Variants in VTI1A observed in about 807,000 individuals in gnomAD.
VTI1A encodes the protein vesicle transport through interaction with t-SNAREs homolog 1A.
Under a neutral mutation model 34.9 loss-of-function variants are expected in VTI1A, and 22 were observed. That is an observed-to-expected ratio of 0.63 (90% CI 0.45 to 0.90). The LOEUF (loss-of-function observed/expected upper bound fraction) is 0.90. VTI1A is among the 40% of genes least tolerant of loss of function. The pLI, the probability that VTI1A is intolerant of heterozygous loss-of-function variation, is 0.00. For missense variants in VTI1A, 268 were observed against 275.6 expected (o/e 0.97, Z 0.20); for synonymous variants, 87 against 97.3 (o/e 0.89, Z 0.62).
At chr10:112,726,307 A>T (rs1013165220) in intron 7 of VTI1A, among the ~76,000 whole-genome samples, 8 of 152,210 alleles carry the variant, frequency 5.3e-5, no homozygotes, top group Non-Finnish European at 7.3e-5. Flanking sequence ...AGAGTGGGGA[A>T]CACTTCTCTA....
chr10:112,672,899 C>T (rs932546707), intron 7 of VTI1A: 6 of 152,294 alleles, frequency 3.9e-5, no homozygotes, highest in Admixed American at 3.9e-4. Context: ...AGTATATGAA[C>T]AATGCCTCAG....
At chr10:112,626,554 T>G (rs1159128871) in intron 5 of VTI1A, among the ~76,000 whole-genome samples, 1 of 151,378 alleles carries the variant, frequency 6.6e-6, no homozygotes, top group Non-Finnish European at 1.5e-5. Flanking sequence ...AAGTGCTTAG[T>G]AAAATAACTC....
the VTI1A span, among the ~76,000 whole-genome samples, chr10:112,828,387 A>T: frequency 2.0e-5 from 3 of 152,052 alleles, no homozygotes; most frequent in Non-Finnish European, 4.4e-5. Flanking sequence ...AATTCATTTT[A>T]AAAATGTTTT....
At chr10:112,673,246 C>T (rs953872692) in intron 7 of VTI1A, among the ~76,000 whole-genome samples, 1 of 148,040 alleles carries the variant, frequency 6.8e-6, no homozygotes, top group East Asian at 2.0e-4. Context: ...GCCTGGGAGG[C>T]GAAAGGTTGC....
intron 5 of VTI1A, among the ~76,000 whole-genome samples, chr10:112,628,458 T>C (rs1846004358): frequency 6.6e-6 from 1 of 152,198 alleles, no homozygotes; most frequent in Non-Finnish European, 1.5e-5. Context: ...TCATTTTATG[T>C]ATAGATAGAG....
chr10:112,659,591 A>AT (rs896512693), intron 5 of VTI1A, among the ~76,000 whole-genome samples: 2 of 152,148 alleles, frequency 1.3e-5, no homozygotes, highest in African/African-American at 4.8e-5. Context: ...AGCACTGATG[A>AT]TTTTTTTAAT....
chr10:112,454,133 G>A (rs1257845317), intron 1 of VTI1A, among the ~76,000 whole-genome samples: 1 of 152,104 alleles, frequency 6.6e-6, no homozygotes, highest in Non-Finnish European at 1.5e-5. Flanking sequence ...TTAGTGGTTT[G>A]ACCCTACATT....
chr10:112,715,304 G>T (rs1230142742), intron 7 of VTI1A, among the ~76,000 whole-genome samples: 2 of 152,176 alleles, frequency 1.3e-5, no homozygotes, highest in Admixed American at 6.5e-5. Flanking sequence ...CTGAAAAAGG[G>T]ATGGGAGGAG....
intron 5 of VTI1A, among the ~76,000 whole-genome samples, chr10:112,646,050 A>G (rs927675778): frequency 4.6e-5 from 7 of 151,030 alleles, no homozygotes; most frequent in Non-Finnish European, 7.4e-5. Flanking sequence ...TTTATGTGCC[A>G]TAGGGTGATA....
At position 112,492,743 on chromosome 10, in the gene VTI1A, C is replaced by T. The variant is rs138812920; in HGVS notation, c.264+28086C>T. On this transcript the variant is annotated intron_variant, in intron 3 of 7. Transcript: ENST00000393077. ...CAAAGGTTGTAGTGAGCCAAGACCA[C>T]GCCACTGCACTCCAGCCTGGCAACA... Among the ~76,000 whole-genome samples the T allele has an allele frequency of 2.0e-3, 302 of 150,554 alleles. 3 individuals carry two copies. The highest frequency in any genetic ancestry group is 3.3e-3 in the Non-Finnish European group (225 of 67,864).
At chr10:112,830,359 A>G in the VTI1A span, among the ~76,000 whole-genome samples, 26 of 144,974 alleles carry the variant, frequency 1.8e-4, no homozygotes, top group Non-Finnish European at 3.3e-4. Flanking sequence ...TCCCTCCAAC[A>G]CTCCAAGCTC....
At chr10:112,830,850 T>TA in the VTI1A span, among the ~76,000 whole-genome samples, 962 of 29,410 alleles carry the variant, frequency 0.033, 5 homozygotes, top group Non-Finnish European at 0.043. Context: ...TATATATATA[T>TA]TTTTTTTTTT....
chr10:112,786,077 C>T (rs1300608170), intron 7 of VTI1A, among the ~76,000 whole-genome samples: 1 of 152,112 alleles, frequency 6.6e-6, no homozygotes, highest in Non-Finnish European at 1.5e-5. Context: ...AATGTTGAAT[C>T]ATCCAATTCA....
At chr10:112,845,753 C>T in the VTI1A span, among the ~76,000 whole-genome samples, 1 of 152,232 alleles carries the variant, frequency 6.6e-6, no homozygotes, top group Non-Finnish European at 1.5e-5. Context: ...CATGGTGGCT[C>T]ACGCCTGTAA....
At chr10:112,518,634 T>C (rs1321349987) in intron 3 of VTI1A, among the ~76,000 whole-genome samples, 1 of 123,104 alleles carries the variant, frequency 8.1e-6, no homozygotes, top group Non-Finnish European at 1.8e-5. Flanking sequence ...TATGTGTATA[T>C]ATATGTGTAT....
intron 7 of VTI1A, among the ~76,000 whole-genome samples, chr10:112,814,394 G>T (rs1210365416): frequency 6.6e-6 from 1 of 152,176 alleles, no homozygotes. Flanking sequence ...GAGAGCGAGC[G>T]TGGGCACGGC....
intron 7 of VTI1A, among the ~76,000 whole-genome samples, chr10:112,784,901 G>A (rs1462460150): frequency 1.3e-5 from 2 of 152,108 alleles, no homozygotes; most frequent in African/African-American, 2.4e-5. Context: ...AAGGTCCATC[G>A]TACGTATTTC....
At chr10:112,471,025 A>G (rs897409832) in intron 3 of VTI1A, among the ~76,000 whole-genome samples, 2 of 152,188 alleles carry the variant, frequency 1.3e-5, no homozygotes, top group African/African-American at 4.8e-5. Context: ...TTTGCTGTTT[A>G]CTTAACTAAT....
chr10:112,580,667 A>G (rs1262642216), intron 5 of VTI1A, among the ~76,000 whole-genome samples: 1 of 152,080 alleles, frequency 6.6e-6, no homozygotes, highest in Non-Finnish European at 1.5e-5. Context: ...AGGGAGTGCA[A>G]AGTTGAAATG....
Sources: allele counts gnomAD v4.1 joint callset (sites outside exome capture counted in the v4.1 genomes callset), GRCh38; gene constraint gnomAD v4.1.1; transcripts MANE v1.5; gene names NCBI Gene and HGNC (gene_info 2026-07-23, HGNC 2026-07-21).